The following NKAIN2 variants were observed in gnomAD, a reference collection of about 807,000 sequenced individuals.
NKAIN2 encodes sodium/potassium-transporting ATPase subunit beta-1-interacting protein 2.
Under a neutral mutation model 32.6 loss-of-function variants are expected in NKAIN2, and 14 were observed. The ratio of observed to expected loss-of-function variants is 0.43; its 90% CI spans 0.28 to 0.67. NKAIN2 has a LOEUF of 0.67. Ranked by LOEUF, NKAIN2 falls within the 30% of genes least tolerant of loss-of-function variation. NKAIN2 has a pLI of 0.17. For missense variants in NKAIN2, 198 were observed against 258.3 expected (o/e 0.77, Z 1.60); for synonymous variants, 80 against 87.2 (o/e 0.92, Z 0.46).
chr6:124,544,380 G>A (rs892123740), intron 3 of NKAIN2, among the ~76,000 whole-genome samples: 2 of 151,972 alleles, frequency 1.3e-5, no homozygotes, highest in African/African-American at 2.4e-5. Context: ...AGAAGGAGCT[G>A]TGGAATACTG....
At chr6:124,420,372 A>G (rs944203165) in intron 3 of NKAIN2, among the ~76,000 whole-genome samples, 4 of 152,124 alleles carry the variant, frequency 2.6e-5, no homozygotes, top group African/African-American at 9.7e-5. Flanking sequence ...AAATTACTAG[A>G]AAGAAGTGAA....
At chr6:124,090,380 C>T (rs192507245) in intron 1 of NKAIN2, among the ~76,000 whole-genome samples, 3 of 151,942 alleles carry the variant, frequency 2.0e-5, no homozygotes, top group Admixed American at 1.3e-4. Flanking sequence ...TGTGGGTTGG[C>T]GGTGGGGAGT....
chr6:124,526,442 A>G (rs192973242), intron 3 of NKAIN2, among the ~76,000 whole-genome samples: 1 of 152,248 alleles, frequency 6.6e-6, no homozygotes, highest in East Asian at 1.9e-4. Flanking sequence ...TGCCAAATGA[A>G]AATGGTGAAT....
rs566663423 is a variant in NKAIN2 at position 124,418,765 on chromosome 6, T to C, written c.273+63418T>C. On this transcript the variant is annotated intron_variant, in intron 3 of 6. Coordinates refer to ENST00000368417, the MANE Select transcript of NKAIN2 (RefSeq NM_001040214.3). The stretch of plus-strand genomic sequence containing the variant: ...TGAACTCTCCCTAACAATGTGTTTT[T>C]CCAGTACTGATTGTTGATGTCCTGT... 2.3e-3 allele frequency among the ~76,000 whole-genome samples: 356 copies of C among 151,720 alleles called. 1 individual carries two copies. The highest frequency in any genetic ancestry group is 8.0e-3 in the African/African-American group (331 of 41,438).
intron 4 of NKAIN2, among the ~76,000 whole-genome samples, chr6:124,781,437 A>C (rs1779260808): frequency 6.6e-6 from 1 of 152,152 alleles, no homozygotes; most frequent in Non-Finnish European, 1.5e-5. Flanking sequence ...TTTAAATAGT[A>C]ATCACTGGCA....
chr6:123,964,170 C>T lies in NKAIN2; in HGVS notation c.54+159916C>T, dbSNP rs1453671619. Among the ~76,000 whole-genome samples, 2 of 152,078 alleles carry T rather than the reference C, an allele frequency of 1.3e-5. No individual in the cohort carries two copies. The highest frequency in any genetic ancestry group is 4.8e-5 in the African/African-American group (2 of 41,408). On this transcript the variant is annotated intron_variant, in intron 1 of 6. Coordinates refer to ENST00000368417, the MANE Select transcript of NKAIN2 (RefSeq NM_001040214.3). This position sits in a 1 kb window ranked among gnomAD's most constrained non-coding sequence, Gnocchi z 4.0. ...CATTGTGGTGTGAAGTAGAAATTAC[C>T]TACATCAATTTTGTTTTCTTTATTT...
intron 3 of NKAIN2, among the ~76,000 whole-genome samples, chr6:124,589,109 T>C (rs1264083834): frequency 6.6e-6 from 1 of 152,192 alleles, no homozygotes; most frequent in African/African-American, 2.4e-5. Flanking sequence ...TAGTTACATA[T>C]AGTACGCTAA....
intron 2 of NKAIN2, among the ~76,000 whole-genome samples, chr6:124,301,786 T>C (rs1796302574): frequency 6.6e-6 from 1 of 152,232 alleles, no homozygotes; most frequent in Admixed American, 6.5e-5. Context: ...TGGGCATATT[T>C]ACCCAATGCC....
intron 3 of NKAIN2, among the ~76,000 whole-genome samples, chr6:124,566,993 T>C (rs561986124): frequency 7.2e-5 from 11 of 152,348 alleles, no homozygotes; most frequent in Admixed American, 5.9e-4. Flanking sequence ...CTGGCTTCGA[T>C]GTAAACCGCG....
At chr6:124,539,020 A>T (rs2114839786) in intron 3 of NKAIN2, among the ~76,000 whole-genome samples, 1 of 152,128 alleles carries the variant, frequency 6.6e-6, no homozygotes, top group East Asian at 1.9e-4. Context: ...TCTTTGTCAG[A>T]CTCATCCATG....
intron 1 of NKAIN2, among the ~76,000 whole-genome samples, chr6:124,024,501 A>G (rs1781015226): frequency 6.6e-6 from 1 of 152,218 alleles, no homozygotes; most frequent in African/African-American, 2.4e-5. Context: ...AACAAAATGA[A>G]TATTTAATAA....
chr6:124,735,504 C>A (rs970961073), intron 4 of NKAIN2, among the ~76,000 whole-genome samples: 1 of 151,786 alleles, frequency 6.6e-6, no homozygotes, highest in Non-Finnish European at 1.5e-5. Flanking sequence ...TTGGGAGAAA[C>A]AAATATAGAC....
At chr6:124,351,318 C>T (rs1053826482) in intron 2 of NKAIN2, among the ~76,000 whole-genome samples, 4 of 151,350 alleles carry the variant, frequency 2.6e-5, no homozygotes, top group African/African-American at 9.7e-5. Flanking sequence ...AGTTTGAGAC[C>T]AACATGGTGA....
At chr6:124,105,888 A>T (rs1785096265) in intron 1 of NKAIN2, among the ~76,000 whole-genome samples, 1 of 152,152 alleles carries the variant, frequency 6.6e-6, no homozygotes, top group Non-Finnish European at 1.5e-5. Flanking sequence ...TACCCTTTAG[A>T]TTTGTTATCT....
chr6:123,859,548 A>G (rs916696415), intron 1 of NKAIN2, among the ~76,000 whole-genome samples: 2 of 152,172 alleles, frequency 1.3e-5, no homozygotes, highest in Non-Finnish European at 2.9e-5. Flanking sequence ...CTTGTGCAGT[A>G]GCATCCTCAA....
chr6:124,765,691 T>C (rs1009019530), intron 4 of NKAIN2, among the ~76,000 whole-genome samples: 8 of 152,214 alleles, frequency 5.3e-5, no homozygotes, highest in Non-Finnish European at 1.2e-4. Flanking sequence ...CCTTGGTAGA[T>C]ACTGAATTTC....
intron 3 of NKAIN2, among the ~76,000 whole-genome samples, chr6:124,360,422 T>G (rs1466326296): frequency 6.6e-6 from 1 of 152,176 alleles, no homozygotes; most frequent in African/African-American, 2.4e-5. Context: ...TGTACATTCA[T>G]ATTGAAATGA....
rs894573984 is a variant in NKAIN2 at position 124,023,004 on chromosome 6, G to A, written c.54+218750G>A. 1.9e-4 allele frequency among the ~76,000 whole-genome samples: 28 copies of A among 150,988 alleles called. No individual in the cohort carries two copies. In the South Asian group the frequency reaches 3.4e-3, roughly 18 times the overall value. Reference sequence around the variant, plus strand: ...AGTCTCTCACAGTTCTAAACTTTTCGGTTAAAGATTATAGACATATGTATA... The same window carrying A: ...AGTCTCTCACAGTTCTAAACTTTTCAGTTAAAGATTATAGACATATGTATA... On this transcript the variant is annotated intron_variant, in intron 1 of 6. Transcript: ENST00000368417.
chr6:124,239,972 G>C (rs1439779823), intron 1 of NKAIN2, among the ~76,000 whole-genome samples: 1 of 151,920 alleles, frequency 6.6e-6, no homozygotes, highest in Non-Finnish European at 1.5e-5. Flanking sequence ...TTTTTGAAAG[G>C]ATTGAAAAAA....
Sources: gnomAD v4.1 joint callset for allele counts (sites outside exome capture counted in the v4.1 genomes callset) on GRCh38, gnomAD v4.1.1 for gene constraint, Gnocchi (gnomAD v3.1) non-coding constraint, MANE v1.5 for transcripts, NCBI Gene and HGNC (gene_info 2026-07-23, HGNC 2026-07-21) for gene names.